Variants in EIF2B5 observed in about 807,000 individuals in gnomAD.
EIF2B5 encodes the protein eukaryotic translation initiation factor 2B subunit epsilon.
Under a neutral mutation model 87.3 loss-of-function variants are expected in EIF2B5, and 38 were observed. The observed-to-expected ratio is 0.44, with a 90% CI of 0.34 to 0.57. EIF2B5 has a LOEUF of 0.57. EIF2B5 is among the 20% of genes least tolerant of loss of function. The pLI is 0.02. For synonymous variants in EIF2B5, 313 were observed against 339.6 expected (o/e 0.92, Z 0.86); for missense variants, 784 against 909.5 (o/e 0.86, Z 1.78).
chr3:184,135,672 T>C, intron 1 of EIF2B5, 92 bp downstream of exon 1: 2 of 1,483,848 alleles, frequency 1.3e-6, no homozygotes, highest in Non-Finnish European at 1.8e-6. Context: ...AGCATGCCCT[T>C]GAAGGACCTG....
intron 14 of EIF2B5, 106 bp from the exon 15 acceptor site, chr3:184,144,491 C>T (rs1713776408): frequency 7.1e-6 from 8 of 1,126,800 alleles, no homozygotes; most frequent in Middle Eastern, 2.8e-4. Context: ...CACTCTTGTC[C>T]GTTTTGGAGG....
In EIF2B5 at chr3:184,137,984, A is replaced by G. The variant is rs1439106289; in HGVS notation, c.593A>G (p.Glu198Gly). ...CCCAGCCACCCAACTCGTTGCCACG[A>G]AGACAATGTGGTAGTGGCTGTGGAT... ...SSPSHPTRCHEDNVVVAVDST... is the reference protein window; with the variant it reads ...SSPSHPTRCHGDNVVVAVDST... The change falls in exon 4 of 16, where the codon GAA becomes GGA. Residue 198 changes from glutamate (E) to glycine (G), a missense_variant. This residue lies in a region of EIF2B5 where 660 missense variants were observed against 789.5 expected (regional missense o/e 0.84). Transcript: ENST00000648915. 6.2e-7 allele frequency: 1 copy of G among 1,614,218 alleles called. No homozygotes were observed. The highest frequency in any genetic ancestry group is 1.3e-5 in the African/African-American group (1 of 75,056).
intron 1 of EIF2B5, among the ~76,000 whole-genome samples, 197 bp from the exon 2 acceptor site, chr3:184,136,415 C>G (rs980133915): frequency 6.6e-6 from 1 of 152,228 alleles, no homozygotes; most frequent in Non-Finnish European, 1.5e-5. Flanking sequence ...TACTTACCAT[C>G]CCCAAATTGC....
In EIF2B5 at chr3:184,145,039, C is replaced by A; in HGVS notation, c.*96C>A. 8.9e-7 allele frequency: 1 copy of A among 1,121,880 alleles called. No homozygotes were observed. Among genetic ancestry groups the A allele is most frequent in the Non-Finnish European group, 1.3e-6 (1 of 746,136 alleles). 69.5% of individuals were successfully genotyped at this position (1,121,880 alleles called of 1,614,324 possible). A position where few individuals can be genotyped will look rare whatever the true frequency, so the allele number is the denominator to read the frequency against. ...CTAGCTGCAGAGGGATGAGTGACCA[C>A]CATCCAGGCTGAGACTGAAAGGAGC... On this transcript the variant is annotated 3_prime_UTR_variant, in exon 16 of 16. Transcript: ENST00000648915. The surrounding 1 kb of genome is among the most constrained non-coding windows in gnomAD (Gnocchi z 4.0).
At chr3:184,143,932 CT>C in intron 13 of EIF2B5, 166 bp from the exon 14 acceptor site, 3 of 1,103,774 alleles carry the variant, frequency 2.7e-6, no homozygotes, top group Non-Finnish European at 4.0e-6. Flanking sequence ...TAAGGAATCT[CT>C]TTTTCCCAAA....
intron 7 of EIF2B5, 78 bp from the exon 8 acceptor site, chr3:184,141,847 C>A: frequency 6.3e-7 from 1 of 1,582,070 alleles, no homozygotes; most frequent in South Asian, 1.1e-5. Context: ...TGGTGTCAGT[C>A]AGCCCTGTCC....
At chr3:184,135,677 G>T in intron 1 of EIF2B5, 97 bp downstream of exon 1, 1 of 1,471,930 alleles carries the variant, frequency 6.8e-7, no homozygotes, top group Non-Finnish European at 9.3e-7. Context: ...GCCCTTGAAG[G>T]ACCTGCGTCT....
Position 184,138,246 on chromosome 3 carries a change from G to A in EIF2B5, c.765G>A (p.Gln255=). 1 of 1,613,662 alleles carries A rather than the reference G, an allele frequency of 6.2e-7. No individual in the cohort carries two copies. Among genetic ancestry groups the A allele is most frequent in the Middle Eastern group, 1.8e-4 (1 of 5,628 alleles). The change falls in exon 5 of 16, where the codon CAG becomes CAA. Residue 255 remains glutamine (Q), a splice_region_variant and synonymous_variant. Transcript: ENST00000648915. ...GTCATATCAGCATCTGTTCTCCTCA[G>A]GTGAGCTCTTTAGGGCTGGGGCTGC... is the stretch of plus-strand genomic sequence containing the variant. The part of the protein sequence containing the change: ...LDCHISICSP[Q]VAQLFTDNFD...
At chr3:184,141,827 G>A (rs1446977850) in intron 7 of EIF2B5, 98 bp from the exon 8 acceptor site, 1 of 1,496,420 alleles carries the variant, frequency 6.7e-7, no homozygotes, top group Non-Finnish European at 9.3e-7. Context: ...GAGCTAGGTG[G>A]GAGCTGTGCT....
At chr3:184,135,843 A>C in intron 1 of EIF2B5, 1 of 565,462 alleles carries the variant, frequency 1.8e-6, no homozygotes, top group Non-Finnish European at 3.1e-6. Context: ...GCTTGAGAGA[A>C]GCCTTCACGC....
At chr3:184,143,949 TCAA>T in intron 13 of EIF2B5, 147 bp from the exon 14 acceptor site, 1 of 1,250,508 alleles carries the variant, frequency 8.0e-7, no homozygotes, top group Admixed American at 1.7e-5. Context: ...CCAAACCCTG[TCAA>T]CAACTCCCAA....
chr3:184,135,600 G>A lies in EIF2B5; in HGVS notation c.195+20G>A. On this transcript the variant is annotated intron_variant, in intron 1 of 15. Coordinates refer to ENST00000648915, the MANE Select transcript of EIF2B5 (RefSeq NM_003907.3). ...CCTCGGGTGAGCGCCGCGCACGCGA[G>A]CAGCCAGAGGGCAGGAAGGGTGGCA... 2 of 1,573,478 alleles carry A rather than the reference G, an allele frequency of 1.3e-6. No individual in the cohort carries two copies. The highest frequency in any genetic ancestry group is 1.7e-6 in the Non-Finnish European group (2 of 1,160,988).
rs749716823 is a variant in EIF2B5 at position 184,137,891 on chromosome 3, T to A, written c.507-7T>A. On this transcript the variant is annotated splice_region_variant and splice_polypyrimidine_tract_variant and intron_variant, in intron 3 of 15. Transcript: ENST00000648915. ...TTTTGCAGTTCTGTCCCTCCTGTCC[T>A]TTATAGGTTGAGACGGAAGCTAGAA... is the stretch of plus-strand genomic sequence containing the variant. 2 of 1,614,082 alleles carry A rather than the reference T, an allele frequency of 1.2e-6. No homozygotes were observed. Among genetic ancestry groups the A allele is most frequent in the African/African-American group, 2.7e-5 (2 of 74,918 alleles).
chr3:184,135,711 G>A, intron 1 of EIF2B5, 131 bp downstream of exon 1: 1 of 1,291,474 alleles, frequency 7.7e-7, no homozygotes, highest in South Asian at 1.3e-5. Flanking sequence ...AAAACCGGAT[G>A]CAGAGGGACT....
rs1264896024 is a variant in EIF2B5 at position 184,144,107 on chromosome 3, G to A, written c.1878G>A (p.Lys626=). 6.2e-7 allele frequency: 1 copy of A among 1,614,218 alleles called. No homozygotes were observed. Among genetic ancestry groups the A allele is most frequent in the African/African-American group, 1.3e-5 (1 of 75,054 alleles). Reference sequence around the variant, plus strand: ...CCTTCTTTCTTCCATAGCTGCTAAAGGCCTGGAGCCCTGTTTTTAGGAACT... The same window carrying A: ...CCTTCTTTCTTCCATAGCTGCTAAAAGCCTGGAGCCCTGTTTTTAGGAACT... ...RYCALLLPLL[K]AWSPVFRNYI... is the part of the protein sequence containing the mutation. Residue 626 remains lysine (K), a synonymous_variant, in exon 14 of 16, where the codon AAG becomes AAA. Transcript: ENST00000648915.
intron 3 of EIF2B5, 35 bp from the exon 4 acceptor site, chr3:184,137,863 C>CT (rs765467600): frequency 6.2e-7 from 1 of 1,614,172 alleles, no homozygotes; most frequent in South Asian, 1.1e-5. Flanking sequence ...CCTGAGACTG[C>CT]TTTTTTGCAG....
chr3:184,135,513 T>A lies in EIF2B5; in HGVS notation c.128T>A (p.Leu43Gln). ...GCGGAGGAGGAACCGCCGCCGCCCC[T>A]ACAAGCAGTTCTGGTGGCCGATAGC... ...RGAEEEPPPP[L>Q]QAVLVADSFD... is the part of the protein sequence containing the mutation. Residue 43 changes from leucine (L) to glutamine (Q), a missense_variant, in exon 1 of 16, where the codon CTA becomes CAA. Leu to Gln is a moderately radical substitution (Grantham distance 113). Around this residue, in one of 3 missense-constraint regions of EIF2B5, gnomAD observed 117 missense variants for 101.0 expected, o/e 1.16. Coordinates refer to ENST00000648915, the MANE Select transcript of EIF2B5 (RefSeq NM_003907.3). The A allele has an allele frequency of 6.3e-7, 1 of 1,587,556 alleles. No individual in the cohort carries two copies. Among genetic ancestry groups the A allele is most frequent in the African/African-American group, 1.3e-5 (1 of 74,432 alleles).
rs748314004 is a variant in EIF2B5, at chr3:184,142,381, G to A, written c.1444+3G>A. On this transcript the variant is annotated splice_donor_region_variant and intron_variant, in intron 9 of 15. Coordinates refer to ENST00000648915, the MANE Select transcript of EIF2B5 (RefSeq NM_003907.3). The surrounding 1 kb of genome is among the most constrained non-coding windows in gnomAD (Gnocchi z 5.0). ...AAAGGACAAAGTGAAGATGAAAGGT[G>A]TGAGACTCAACAGGTGTGGGGCATC... 6.2e-7 allele frequency: 1 copy of A among 1,614,086 alleles called. No individual in the cohort carries two copies. The highest frequency in any genetic ancestry group is 1.3e-5 in the African/African-American group (1 of 74,932).
In EIF2B5 at chr3:184,140,133, G is replaced by A. The variant is rs771229242; in HGVS notation, c.819G>A (p.Val273=). 7 of 1,613,964 alleles carry A rather than the reference G, an allele frequency of 4.3e-6. No individual in the cohort carries two copies. In the South Asian group the frequency reaches 7.7e-5, roughly 18 times the overall value. The change falls in exon 6 of 16, where the codon GTG becomes GTA. Residue 273 remains valine, a synonymous_variant. Coordinates refer to ENST00000648915, the MANE Select transcript of EIF2B5 (RefSeq NM_003907.3). ...NFDYQTRDDF[V]RGLLVNEEIL... ...ACTACCAAACTCGAGATGACTTTGTGCGAGGTCTCTTAGTGAATGAGGAGG... is the reference window on the plus strand; with the variant it reads ...ACTACCAAACTCGAGATGACTTTGTACGAGGTCTCTTAGTGAATGAGGAGG...
Sources: allele counts gnomAD v4.1 joint callset (sites outside exome capture counted in the v4.1 genomes callset), GRCh38; gene constraint gnomAD v4.1.1; regional missense constraint gnomAD v4.1.1; non-coding constraint Gnocchi (gnomAD v3.1); transcripts MANE v1.5; gene names NCBI Gene and HGNC (gene_info 2026-07-23, HGNC 2026-07-21).